Variants in SIPA1L3 observed in about 807,000 individuals in gnomAD.
SIPA1L3 encodes signal-induced proliferation-associated 1-like protein 3.
Under a neutral mutation model 150.1 loss-of-function variants are expected in SIPA1L3, and 59 were observed. That is an observed-to-expected ratio of 0.39 (90% CI 0.32 to 0.49). The LOEUF (loss-of-function observed/expected upper bound fraction) is 0.49. SIPA1L3 is among the 20% of genes least tolerant of loss of function. The pLI is 0.86. For missense variants in SIPA1L3, 2,211 were observed against 2,489.5 expected (o/e 0.89, Z 2.38); for synonymous variants, 1,070 against 1,077.6 (o/e 0.99, Z 0.14).
At chr19:38,162,394 C>A in intron 14 of SIPA1L3, 23 bp downstream of exon 14, 1 of 1,586,624 alleles carries the variant, frequency 6.3e-7, no homozygotes, top group South Asian at 1.1e-5. Flanking sequence ...CCCACCCTGC[C>A]CTACCGGGGG....
chr19:38,173,258 C>T (rs756963782), intron 15 of SIPA1L3, among the ~76,000 whole-genome samples: 1 of 152,236 alleles, frequency 6.6e-6, no homozygotes, highest in Non-Finnish European at 1.5e-5. Context: ...AAGCGGGGAG[C>T]CCCCTACCCT....
Position 38,164,749 on chromosome 19 carries a change from G to T in SIPA1L3, c.4051G>T (p.Ala1351Ser), listed in dbSNP as rs138693571. ...MGLCGGGREAAGRSHHADRRR... is the reference protein window; with the variant it reads ...MGLCGGGREASGRSHHADRRR... The stretch of plus-strand genomic sequence containing the variant: ...CCTTTGTGGCGGGGGTCGCGAGGCC[G>T]CTGGGAGGTCCCACCACGCAGACAG... Residue 1351 changes from alanine (A) to serine (S), a missense_variant, in exon 15 of 22, where the codon GCT becomes TCT. By Grantham distance (99) the Ala-to-Ser change is moderately conservative. Around this residue, in one of 5 missense-constraint regions of SIPA1L3, gnomAD observed 806 missense variants for 870.1 expected, o/e 0.93. Coordinates refer to ENST00000222345, the MANE Select transcript of SIPA1L3 (RefSeq NM_015073.3). This position sits in a 1 kb window ranked among gnomAD's most constrained non-coding sequence, Gnocchi z 4.1. The T allele has an allele frequency of 4.5e-5, 73 of 1,612,470 alleles. No homozygotes were observed. Among genetic ancestry groups the T allele is most frequent in the Non-Finnish European group, 5.9e-5 (69 of 1,179,464 alleles).
chr19:38,204,268 G>T (rs1973156260), intron 21 of SIPA1L3, 60 bp downstream of exon 21: 1 of 1,431,470 alleles, frequency 7.0e-7, no homozygotes, highest in Admixed American at 2.0e-5. Context: ...AGGGCAGTCA[G>T]CAGGGATCAG....
In SIPA1L3 at chr19:38,081,947, A is replaced by G. The variant is rs752948047; in HGVS notation, c.382A>G (p.Ser128Gly). ...CATACAGAACGGACAGCCCCCCACCAGCACCCCGGCTTCCTCAGGGTCCAA... is the reference window on the plus strand; with the variant it reads ...CATACAGAACGGACAGCCCCCCACCGGCACCCCGGCTTCCTCAGGGTCCAA... ...RSIQNGQPPT[S>G]TPASSGSKAF... Residue 128 changes from serine (S) to glycine (G), a missense_variant, in exon 3 of 22, where the codon AGC becomes GGC. By Grantham distance (56) the Ser-to-Gly change is moderately conservative (BLOSUM62 0). Transcript: ENST00000222345. The G allele has an allele frequency of 1.9e-6, 3 of 1,614,104 alleles. No individual in the cohort carries two copies. Among genetic ancestry groups the G allele is most frequent in the Non-Finnish European group, 1.7e-6 (2 of 1,179,972 alleles).
At chr19:38,008,979 G>T (rs1199909952) in intron 1 of SIPA1L3, among the ~76,000 whole-genome samples, 1 of 152,034 alleles carries the variant, frequency 6.6e-6, no homozygotes, top group Non-Finnish European at 1.5e-5. Context: ...CAGCTGTCTG[G>T]GGTCCATCTC....
chr19:38,098,391 CA>C (rs1191654743), intron 4 of SIPA1L3, among the ~76,000 whole-genome samples: 1 of 128,902 alleles, frequency 7.8e-6, no homozygotes, highest in Non-Finnish European at 1.6e-5. Context: ...AAGGGGCTTT[CA>C]TTTTTTTTTT....
rs186750185 is a variant in SIPA1L3, at chr19:38,018,355, G to A, written c.-378-10734G>A. Among the ~76,000 whole-genome samples the A allele has an allele frequency of 9.1e-4, 138 of 151,880 alleles. No homozygotes were observed. The Middle Eastern group carries it at 0.01, about 11-fold the overall frequency. Reference sequence around the variant, plus strand: ...ATTTTTGTATTTTTAGTAGAGACGGGGTTTCACCATGTTGGCCAGGCTGGT... The same window carrying A: ...ATTTTTGTATTTTTAGTAGAGACGGAGTTTCACCATGTTGGCCAGGCTGGT... On this transcript the variant is annotated intron_variant, in intron 1 of 21. Transcript: ENST00000222345.
intron 4 of SIPA1L3, 38 bp from the exon 5 acceptor site, chr19:38,099,924 C>A: frequency 1.3e-6 from 2 of 1,524,812 alleles, no homozygotes; most frequent in South Asian, 1.2e-5. Context: ...TTTTAGGTCT[C>A]GAGAGCCCCC....
intron 1 of SIPA1L3, among the ~76,000 whole-genome samples, chr19:37,956,740 TC>T (rs2046815153): frequency 6.6e-6 from 1 of 152,214 alleles, no homozygotes; most frequent in Non-Finnish European, 1.5e-5. Flanking sequence ...CACCTTGGCC[TC>T]CCAAAGTGTT....
At chr19:38,089,188 C>T (rs1019986961) in intron 4 of SIPA1L3, among the ~76,000 whole-genome samples, 6 of 151,832 alleles carry the variant, frequency 4.0e-5, no homozygotes, top group South Asian at 2.1e-4. Flanking sequence ...TGTGGTAGCA[C>T]GCGCCTGTAA....
intron 2 of SIPA1L3, among the ~76,000 whole-genome samples, chr19:38,038,226 G>C (rs981991458): frequency 6.6e-6 from 1 of 152,144 alleles, no homozygotes; most frequent in Admixed American, 6.5e-5. Context: ...CTTGCTAATG[G>C]CATGGCTGCT....
At chr19:38,067,717 ATGCCAC>A (rs1200244616) in intron 2 of SIPA1L3, among the ~76,000 whole-genome samples, 1 of 151,638 alleles carries the variant, frequency 6.6e-6, no homozygotes, top group Non-Finnish European at 1.5e-5. Flanking sequence ...AGCCGAGATC[ATGCCAC>A]TGCACTCCAG....
chr19:38,095,070 T>C (rs1257951830), intron 4 of SIPA1L3, among the ~76,000 whole-genome samples: 1 of 152,174 alleles, frequency 6.6e-6, no homozygotes, highest in Non-Finnish European at 1.5e-5. Context: ...AGCGAAACTC[T>C]GTCTCCAAAA....
At chr19:37,914,638 A>G (rs1442233471) in intron 1 of SIPA1L3, among the ~76,000 whole-genome samples, 4 of 151,880 alleles carry the variant, frequency 2.6e-5, no homozygotes, top group African/African-American at 9.7e-5. Flanking sequence ...CAGCCTCCCA[A>G]AGTGCTGGGA....
chr19:37,943,562 C>T (rs1238223333), intron 1 of SIPA1L3, among the ~76,000 whole-genome samples: 1 of 152,198 alleles, frequency 6.6e-6, no homozygotes, highest in East Asian at 1.9e-4. Flanking sequence ...CGGGGACTTT[C>T]GATTGCTGAC....
At chr19:38,129,588 G>A (rs1022001780) in intron 9 of SIPA1L3, among the ~76,000 whole-genome samples, 3 of 148,070 alleles carry the variant, frequency 2.0e-5, no homozygotes, top group Admixed American at 6.8e-5. Context: ...TCACGCCACT[G>A]CACTCCAGCC....
chr19:37,930,448 C>G (rs150356146), intron 1 of SIPA1L3, among the ~76,000 whole-genome samples: 1 of 152,134 alleles, frequency 6.6e-6, no homozygotes, highest in East Asian at 1.9e-4. Context: ...TGTGAGCCAC[C>G]GTGCCCAGCA....
At chr19:38,103,135 G>GAA (rs11352510) in intron 6 of SIPA1L3, among the ~76,000 whole-genome samples, 3 of 140,088 alleles carry the variant, frequency 2.1e-5, no homozygotes, top group Non-Finnish European at 4.7e-5. Flanking sequence ...TCAATCAGTA[G>GAA]AAAAAAAAAA....
At chr19:37,994,537 C>T (rs915415401) in intron 1 of SIPA1L3, among the ~76,000 whole-genome samples, 3 of 152,156 alleles carry the variant, frequency 2.0e-5, no homozygotes, top group Admixed American at 6.5e-5. Flanking sequence ...CTGAGCACAG[C>T]CACTCTAGAG....
Sources: gnomAD v4.1 joint callset for allele counts (sites outside exome capture counted in the v4.1 genomes callset) on GRCh38, gnomAD v4.1.1 for gene constraint, gnomAD v4.1.1 regional missense constraint, Gnocchi (gnomAD v3.1) non-coding constraint, MANE v1.5 for transcripts, NCBI Gene and HGNC (gene_info 2026-07-23, HGNC 2026-07-21) for gene names.